CEP170: variants seen among roughly 807,000 people sequenced by gnomAD.
CEP170 encodes centrosomal protein 170.
Under a neutral mutation model 151.9 loss-of-function variants are expected in CEP170, and 21 were observed. The observed-to-expected ratio is 0.14, with a 90% CI of 0.10 to 0.20. CEP170 has a LOEUF of 0.20. Among genes scored for constraint, CEP170 ranks in the 10% least tolerant of loss-of-function variants. The probability of loss-of-function intolerance (pLI) is 1.00; values close to 1 mark genes in which losing one functional copy is unlikely to be tolerated. For synonymous variants in CEP170, 356 were observed against 648.8 expected, an observed-to-expected ratio of 0.55 and a Z score of 6.86; for missense variants, 964 against 1,892.9, an observed-to-expected ratio of 0.51 and a Z score of 9.11.
In CEP170 at chr1:243,174,423, G is replaced by A. The variant is rs531417728; in HGVS notation, c.1567-1577C>T. The stretch of plus-strand genomic sequence containing the variant: ...AGAGAGCCTTCATTTTCTATAAGGA[G>A]AAGCTACCTCAGGCTAAACTATTTT... On this transcript the variant is annotated intron_variant, in intron 10 of 19. Coordinates refer to ENST00000366542, the MANE Select transcript of CEP170 (RefSeq NM_014812.3). 2.5e-3 allele frequency among the ~76,000 whole-genome samples: 378 copies of A among 151,468 alleles called. 1 individual carries two copies. Among genetic ancestry groups the A allele is most frequent in the Non-Finnish European group, 4.1e-3 (280 of 67,866 alleles).
intron 1 of CEP170, among the ~76,000 whole-genome samples, chr1:243,244,807 A>C (rs1572648149): frequency 6.6e-6 from 1 of 152,186 alleles, no homozygotes; most frequent in Non-Finnish European, 1.5e-5. Flanking sequence ...CTGACACAGC[A>C]GGCTATATAT....
At chr1:243,175,717 A>T (rs191461016) in intron 10 of CEP170, among the ~76,000 whole-genome samples, 4 of 152,306 alleles carry the variant, frequency 2.6e-5, no homozygotes, top group African/African-American at 4.8e-5. Flanking sequence ...ACCTAGGAAC[A>T]TGCAAGGCTT....
rs540267515 is a variant in CEP170 at position 243,207,420 on chromosome 1, G to A, written c.274+4466C>T. On this transcript the variant is annotated intron_variant, in intron 4 of 19. Transcript: ENST00000366542. ...AAAAGTTCTGCAAGGAGGAGGGGGC[G>A]AACCCATAATTATAGCCTGAGATTT... Among the ~76,000 whole-genome samples, 9 of 152,208 alleles carry A rather than the reference G, an allele frequency of 5.9e-5. No individual in the cohort carries two copies. The East Asian group carries it at 9.7e-4, about 16-fold the overall frequency.
At chr1:243,255,576 T>G (rs1324420340), upstream of CEP170, among the ~76,000 whole-genome samples, 1 of 152,204 alleles carries the variant, frequency 6.6e-6, no homozygotes, top group African/African-American at 2.4e-5. Context: ...GCCTTTACAA[T>G]CTAGGCTGTT....
chr1:243,157,856 C>A (rs1478766699), intron 13 of CEP170, among the ~76,000 whole-genome samples: 1 of 152,180 alleles, frequency 6.6e-6, no homozygotes, highest in Admixed American at 6.5e-5. Context: ...CTTATTCACA[C>A]CCCTATTTAC....
chr1:243,181,117 G>A (rs2059591107), intron 10 of CEP170, among the ~76,000 whole-genome samples: 1 of 152,116 alleles, frequency 6.6e-6, no homozygotes, highest in Admixed American at 6.5e-5. Context: ...TTTAGCTTAG[G>A]AGGTTAGGAA....
Position 243,183,298 on chromosome 1 carries a change from G to A in CEP170, c.1566+2481C>T, listed in dbSNP as rs924330711. Among the ~76,000 whole-genome samples, 117 of 152,192 alleles carry A rather than the reference G, an allele frequency of 7.7e-4. No homozygotes were observed. In the Middle Eastern group the frequency reaches 0.014, roughly 18 times the overall value. On this transcript the variant is annotated intron_variant, in intron 10 of 19. Transcript: ENST00000366542. ...AAAAGAAGAGTTAGACCACATGAAC[G>A]TTTCCAGGACCAAAGAACATTTAAA... is the stretch of plus-strand genomic sequence containing the variant.
intron 14 of CEP170, among the ~76,000 whole-genome samples, chr1:243,146,053 T>C (rs1457619077): frequency 6.6e-6 from 1 of 152,214 alleles, no homozygotes; most frequent in Admixed American, 6.5e-5. Context: ...CGTCAATTAT[T>C]CTAAGTGAAG....
chr1:243,251,876 C>A lies in CEP170; in HGVS notation c.-42+3164G>T, dbSNP rs186852963. ...AAAAGTGGGCTTTAACAGCAACACA[C>A]ATTGGCTATGTCACTGGCTTTGGCT... On this transcript the variant is annotated intron_variant, in intron 1 of 19. Transcript: ENST00000366542. Among the ~76,000 whole-genome samples, 21 of 152,240 alleles carry A rather than the reference C, an allele frequency of 1.4e-4. No homozygotes were observed. The East Asian group carries it at 4.0e-3, about 29-fold the overall frequency.
At chr1:243,215,504 A>C (rs1483567590) in intron 3 of CEP170, among the ~76,000 whole-genome samples, 3 of 152,112 alleles carry the variant, frequency 2.0e-5, no homozygotes, top group East Asian at 1.9e-4. Flanking sequence ...TTACGGTTGG[A>C]GATAAGGGAT....
At chr1:243,179,388 A>T (rs1202469706) in intron 10 of CEP170, among the ~76,000 whole-genome samples, 1 of 152,070 alleles carries the variant, frequency 6.6e-6, no homozygotes, top group Non-Finnish European at 1.5e-5. Flanking sequence ...ATCGCTAGGA[A>T]CTCAAAGGTA....
intron 7 of CEP170, among the ~76,000 whole-genome samples, chr1:243,196,895 G>A (rs2060690428): frequency 6.6e-6 from 1 of 152,100 alleles, no homozygotes; most frequent in Non-Finnish European, 1.5e-5. Flanking sequence ...GTGTATTTAT[G>A]TCTGTGGGAA....
chr1:243,223,845 T>A (rs1173249747), intron 2 of CEP170, among the ~76,000 whole-genome samples: 1 of 152,134 alleles, frequency 6.6e-6, no homozygotes, highest in Non-Finnish European at 1.5e-5. Context: ...ACTATTTTTT[T>A]AAAAAAGCAG....
intron 13 of CEP170, among the ~76,000 whole-genome samples, chr1:243,158,932 T>C (rs2057804538): frequency 6.6e-6 from 1 of 151,884 alleles, no homozygotes; most frequent in South Asian, 2.1e-4. Flanking sequence ...CCAGGCGTGG[T>C]AGGGCGCGCC....
Position 243,244,704 on chromosome 1 carries a change from C to G in CEP170, c.-42+10336G>C, listed in dbSNP as rs1278686741. Among the ~76,000 whole-genome samples the G allele has an allele frequency of 3.3e-5, 5 of 151,988 alleles. No individual in the cohort carries two copies. The East Asian group carries it at 9.7e-4, about 29-fold the overall frequency. ...GAGGCTGCAGTGAATGGAGATCCCC[C>G]CACTGCACTCCAGCCTGGAGGACAA... On this transcript the variant is annotated intron_variant, in intron 1 of 19. Coordinates refer to ENST00000366542, the MANE Select transcript of CEP170 (RefSeq NM_014812.3).
intron 7 of CEP170, among the ~76,000 whole-genome samples, chr1:243,192,637 A>G (rs1222117120): frequency 6.6e-6 from 1 of 152,246 alleles, no homozygotes; most frequent in Non-Finnish European, 1.5e-5. Context: ...CAGGGAGACT[A>G]GGTTGTTTCC....
chr1:243,159,988 C>T (rs1394286230), intron 13 of CEP170, among the ~76,000 whole-genome samples: 1 of 152,074 alleles, frequency 6.6e-6, no homozygotes, highest in Non-Finnish European at 1.5e-5. Context: ...GGAGTTTCAC[C>T]ATGTTGGCCA....
chr1:243,211,697 T>C, intron 4 of CEP170, 189 bp downstream of exon 4: 1 of 636,318 alleles, frequency 1.6e-6, no homozygotes, highest in Non-Finnish European at 2.5e-6. Context: ...TCCACCAACT[T>C]TTCCATGATT....
At chr1:243,244,882 A>T (rs1326259362) in intron 1 of CEP170, among the ~76,000 whole-genome samples, 1 of 152,194 alleles carries the variant, frequency 6.6e-6, no homozygotes, top group East Asian at 1.9e-4. Context: ...TAAATCACAA[A>T]TATGATAGGC....
Sources: gnomAD v4.1 joint callset for allele counts (sites outside exome capture counted in the v4.1 genomes callset) on GRCh38, gnomAD v4.1.1 for gene constraint, MANE v1.5 for transcripts, NCBI Gene and HGNC (gene_info 2026-07-23, HGNC 2026-07-21) for gene names.